The following CNTN1 variants were observed in gnomAD, a reference collection of about 807,000 sequenced individuals.
CNTN1 encodes contactin 1.
CNTN1 carries 38 observed loss-of-function variants against 126.4 expected under a neutral mutation model. That is an observed-to-expected ratio of 0.30 (90% CI 0.23 to 0.39). The LOEUF (loss-of-function observed/expected upper bound fraction) is 0.39, where lower values mean the gene tolerates loss of function less well. Among genes scored for constraint, CNTN1 ranks in the 10% least tolerant of loss-of-function variants. The pLI is 1.00. For missense variants in CNTN1, 1,009 were observed against 1,248.4 expected (o/e 0.81, Z 2.89); for synonymous variants, 413 against 422.6 (o/e 0.98, Z 0.28).
chr12:41,071,957 A>G lies in CNTN1; in HGVS notation c.*1922A>G, dbSNP rs1950166292. 6.6e-6 allele frequency: 1 copy of G among 152,202 alleles called. No individual in the cohort carries two copies. The highest frequency in any genetic ancestry group is 1.5e-5 in the Non-Finnish European group (1 of 68,028). The allele number at this position is 152,202 out of a possible 1,614,324, so 9.4% of individuals were successfully genotyped here. A position where few individuals can be genotyped will look rare whatever the true frequency, so the allele number is the denominator to read the frequency against. On this transcript the variant is annotated 3_prime_UTR_variant, in exon 24 of 24. Coordinates refer to ENST00000551295, the MANE Select transcript of CNTN1 (RefSeq NM_001843.4). ...CTTGCCTTTTATTTTCTAATATATG[A>G]TAATAACGAGCAAAACTGGTTAGAT...
intron 3 of CNTN1, 51 bp downstream of exon 3, chr12:40,910,156 A>C (rs778644860): frequency 7.4e-7 from 1 of 1,355,240 alleles, no homozygotes; most frequent in Non-Finnish European, 1.1e-6. Flanking sequence ...CTATTGAATC[A>C]TATTTTATCT....
chr12:40,782,715 A>G (rs778318522), intron 1 of CNTN1, among the ~76,000 whole-genome samples: 1 of 152,012 alleles, frequency 6.6e-6, no homozygotes, highest in Admixed American at 6.6e-5. Flanking sequence ...CCAGCTTCAT[A>G]ACTGATCCCC....
At chr12:41,018,745 T>G (rs1948840303) in intron 19 of CNTN1, among the ~76,000 whole-genome samples, 1 of 152,024 alleles carries the variant, frequency 6.6e-6, no homozygotes, top group African/African-American at 2.4e-5. Context: ...TACTTTTAAG[T>G]TAGCACAACC....
At chr12:40,894,103 A>C (rs1346657566) in intron 1 of CNTN1, among the ~76,000 whole-genome samples, 2 of 151,972 alleles carry the variant, frequency 1.3e-5, no homozygotes, top group Non-Finnish European at 2.9e-5. Flanking sequence ...TTTATCTTTC[A>C]CTGGTTCATA....
At chr12:40,793,527 C>T (rs1374765981) in intron 1 of CNTN1, among the ~76,000 whole-genome samples, 1 of 151,602 alleles carries the variant, frequency 6.6e-6, no homozygotes, top group Non-Finnish European at 1.5e-5. Context: ...ACACTTTGGA[C>T]TCTGACATCA....
At chr12:40,907,082 G>T (rs1262886006) in intron 1 of CNTN1, among the ~76,000 whole-genome samples, 1 of 152,144 alleles carries the variant, frequency 6.6e-6, no homozygotes, top group African/African-American at 2.4e-5. Flanking sequence ...TTTTCAAGAT[G>T]AAACCCCTAT....
At chr12:40,835,684 G>A (rs1486129184) in intron 1 of CNTN1, among the ~76,000 whole-genome samples, 2 of 152,052 alleles carry the variant, frequency 1.3e-5, no homozygotes, top group African/African-American at 2.4e-5. Context: ...GGTTGTCTGA[G>A]TTATATGAAT....
intron 17 of CNTN1, among the ~76,000 whole-genome samples, chr12:40,995,558 C>T (rs59677604): frequency 6.6e-6 from 1 of 152,220 alleles, no homozygotes; most frequent in African/African-American, 2.4e-5. Flanking sequence ...TTGTCATCAC[C>T]TTCTTTAGGC....
At chr12:40,823,604 AAT>A (rs1199075453) in intron 1 of CNTN1, among the ~76,000 whole-genome samples, 1 of 152,186 alleles carries the variant, frequency 6.6e-6, no homozygotes, top group Admixed American at 6.5e-5. Context: ...TCAATTTATT[AAT>A]ATGTCAAATA....
At chr12:41,033,332 C>T (rs1949185826) in intron 23 of CNTN1, among the ~76,000 whole-genome samples, 1 of 152,082 alleles carries the variant, frequency 6.6e-6, no homozygotes, top group Non-Finnish European at 1.5e-5. Flanking sequence ...AGAAAATATA[C>T]ATATAGCTAT....
At chr12:40,705,256 G>C (rs149661777) in intron 1 of CNTN1, among the ~76,000 whole-genome samples, 82 of 152,226 alleles carry the variant, frequency 5.4e-4, no homozygotes, top group African/African-American at 1.8e-3. Flanking sequence ...CCAGGATTTT[G>C]TTTCATCCAG....
chr12:40,720,975 G>A (rs866815036), intron 1 of CNTN1, among the ~76,000 whole-genome samples: 4,218 of 149,830 alleles, frequency 0.028, 99 homozygotes, highest in Non-Finnish European at 0.046. Context: ...GTGTATATAT[G>A]TTATAACATA....
intron 1 of CNTN1, among the ~76,000 whole-genome samples, chr12:40,745,995 A>G (rs1218840435): frequency 1.3e-5 from 2 of 152,164 alleles, no homozygotes; most frequent in African/African-American, 4.8e-5. Flanking sequence ...AGGTAGTCCT[A>G]TTTATGAAAC....
At chr12:41,025,033 C>T in intron 20 of CNTN1, 117 bp from the exon 21 acceptor site, 2 of 1,004,454 alleles carry the variant, frequency 2.0e-6, no homozygotes, top group Non-Finnish European at 3.1e-6. Flanking sequence ...CATTAAGAAA[C>T]ATTTGAAAAT....
rs74449088 is a variant in CNTN1, at chr12:40,939,247, T to TA, written c.1229-86dup. On this transcript the variant is annotated intron_variant, in intron 11 of 23. Coordinates refer to ENST00000551295, the MANE Select transcript of CNTN1 (RefSeq NM_001843.4). ...GAGATTAATCCTTTCCATTAACTATTAAGGAGAATAAAAGATTCTACAACA... is the reference window on the plus strand; with the variant it reads ...GAGATTAATCCTTTCCATTAACTATTAAAGGAGAATAAAAGATTCTACAACA... 0.12 allele frequency: 168,932 copies of TA among 1,384,436 alleles called. 11,053 individuals are homozygous for TA. Among genetic ancestry groups the TA allele is most frequent in the African/African-American group, 0.18 (12,633 of 69,706 alleles). 85.8% of individuals were successfully genotyped at this position (1,384,436 alleles called of 1,614,324 possible).
At chr12:40,694,304 T>G (rs965881363) in intron 1 of CNTN1, among the ~76,000 whole-genome samples, 3 of 152,242 alleles carry the variant, frequency 2.0e-5, no homozygotes, top group Admixed American at 2.0e-4. Context: ...ATATCACATC[T>G]ATTTGTACTA....
chr12:40,707,553 C>A (rs1011390449), intron 1 of CNTN1, among the ~76,000 whole-genome samples: 1 of 152,142 alleles, frequency 6.6e-6, no homozygotes, highest in African/African-American at 2.4e-5. Flanking sequence ...TTTCTATTAT[C>A]TTTCTTCTTT....
chr12:40,922,449 A>G (rs1158171160), intron 5 of CNTN1, 21 bp downstream of exon 5: 3 of 1,611,072 alleles, frequency 1.9e-6, no homozygotes, highest in Admixed American at 1.7e-5. Flanking sequence ...TGTAACTTTT[A>G]AAAAAGGGCA....
intron 1 of CNTN1, among the ~76,000 whole-genome samples, chr12:40,702,286 T>C (rs1354926798): frequency 6.6e-6 from 1 of 152,092 alleles, no homozygotes; most frequent in African/African-American, 2.4e-5. Flanking sequence ...TATTCTTGCA[T>C]GTAGCAATAA....
Sources: allele counts gnomAD v4.1 joint callset (sites outside exome capture counted in the v4.1 genomes callset), GRCh38; gene constraint gnomAD v4.1.1; transcripts MANE v1.5; gene names NCBI Gene and HGNC (gene_info 2026-07-23, HGNC 2026-07-21).